CFAP54: variants seen among roughly 807,000 people sequenced by gnomAD.
CFAP54 encodes the protein cilia and flagella associated protein 54.
In CFAP54, 290 loss-of-function variants were observed where a neutral mutation model predicts 370.4. That is an observed-to-expected ratio of 0.78 (90% confidence interval 0.71 to 0.86). The LOEUF (loss-of-function observed/expected upper bound fraction) is 0.86. Among genes scored for constraint, CFAP54 ranks in the 40% least tolerant of loss-of-function variants. The pLI is 0.00. For synonymous variants in CFAP54, 1,206 were observed against 1,236.5 expected, an observed-to-expected ratio of 0.98 and a Z score of 0.52; for missense variants, 3,399 against 3,528.7, an observed-to-expected ratio of 0.96 and a Z score of 0.93.
intron 19 of CFAP54, among the ~76,000 whole-genome samples, chr12:96,574,333 A>G (rs887088981): frequency 2.6e-5 from 4 of 152,056 alleles, no homozygotes; most frequent in Non-Finnish European, 4.4e-5. Context: ...GTAGACAGAC[A>G]TATTGTCTTT....
chr12:96,817,963 A>G, intron 65 of CFAP54, 50 bp downstream of exon 65: 1 of 1,287,240 alleles, frequency 7.8e-7, no homozygotes, highest in Non-Finnish European at 1.0e-6. Context: ...TATCTTTTAT[A>G]TCCTCAAAGC....
intron 60 of CFAP54, among the ~76,000 whole-genome samples, chr12:96,773,259 A>G (rs1020481388): frequency 6.6e-6 from 1 of 152,176 alleles, no homozygotes; most frequent in African/African-American, 2.4e-5. Context: ...CTTGTAGATC[A>G]GGAATTTGTC....
Position 96,527,442 on chromosome 12 carries a change from T to C in CFAP54, c.1355T>C (p.Ile452Thr). 1 of 1,507,884 alleles carries C rather than the reference T, an allele frequency of 6.6e-7. No individual in the cohort carries two copies. Among genetic ancestry groups the C allele is most frequent in the Non-Finnish European group, 8.8e-7 (1 of 1,130,768 alleles). 93.4% of individuals were successfully genotyped at this position (1,507,884 alleles called of 1,614,324 possible). The change falls in exon 9 of 68, where the codon ATA becomes ACA. Residue 452 changes from isoleucine (I) to threonine (T), a missense_variant and splice_region_variant. Around this residue, in one of 3 missense-constraint regions of CFAP54, gnomAD observed 559 missense variants for 576.7 expected, o/e 0.97. Coordinates refer to ENST00000524981, the MANE Select transcript of CFAP54 (RefSeq NM_001306084.2). ...ELFMAGKELLIMSNIGADGML... is the reference protein window; with the variant it reads ...ELFMAGKELLTMSNIGADGML... ...TTTATGGCAGGAAAAGAACTTTTGA[T>C]AAGTAAATAAGATGTTAAGATATTG...
chr12:96,625,764 T>C lies in CFAP54; in HGVS notation c.3933T>C (p.Tyr1311=). 6.5e-7 allele frequency: 1 copy of C among 1,535,942 alleles called. No individual in the cohort carries two copies. Among genetic ancestry groups the C allele is most frequent in the Non-Finnish European group, 8.7e-7 (1 of 1,146,782 alleles). ...GAGGAGAGGACCCTATATTTCTTTA[T>C]CCTGTAGTTTTGAATTGGTCGGTCA... ...LSGGEDPIFL[Y]PVVLNWSVKG... The change falls in exon 29 of 68, where the codon TAT becomes TAC. Residue 1311 remains tyrosine, a synonymous_variant. Coordinates refer to ENST00000524981, the MANE Select transcript of CFAP54 (RefSeq NM_001306084.2).
intron 56 of CFAP54, among the ~76,000 whole-genome samples, chr12:96,754,748 AT>A (rs111320723): frequency 2.6e-3 from 374 of 143,242 alleles, no homozygotes; most frequent in South Asian, 5.3e-3. Context: ...TAGTGCCTAC[AT>A]TTTTTTTTTT....
Position 96,489,794 on chromosome 12 carries a change from A to G in CFAP54, c.185A>G (p.Tyr62Cys). The G allele has an allele frequency of 1.3e-6, 2 of 1,536,104 alleles. No individual in the cohort carries two copies. The highest frequency in any genetic ancestry group is 1.7e-6 in the Non-Finnish European group (2 of 1,146,908). The stretch of plus-strand genomic sequence containing the variant: ...GACTCATTGCCCCTAGCCGTGTTTT[A>G]TGGGCCGCTGGACGCGAAAAACCCG... ...PEDSLPLAVF[Y>C]GPLDAKNPLL... Residue 62 changes from tyrosine to cysteine, a missense_variant, in exon 1 of 68, where the codon TAT (tyrosine) becomes TGT (cysteine). Physicochemically the swap from Tyr to Cys is radical, Grantham distance 194 (BLOSUM62 -2). Transcript: ENST00000524981.
chr12:96,590,055 T>C (rs1956110672), intron 23 of CFAP54, among the ~76,000 whole-genome samples: 1 of 152,164 alleles, frequency 6.6e-6, no homozygotes, highest in African/African-American at 2.4e-5. Flanking sequence ...CCAAGAAACT[T>C]TCTTTCTAGA....
At chr12:96,825,317 T>TATATATAATATA (rs1959078056) in intron 65 of CFAP54, among the ~76,000 whole-genome samples, 1 of 128,020 alleles carries the variant, frequency 7.8e-6, no homozygotes, top group Non-Finnish European at 1.6e-5. Context: ...TATAATATAA[T>TATATATAATATA]ATATATTATA....
intron 50 of CFAP54, among the ~76,000 whole-genome samples, chr12:96,734,395 T>C (rs1429263988): frequency 1.3e-5 from 2 of 152,196 alleles, no homozygotes; most frequent in South Asian, 4.1e-4. Flanking sequence ...CTTGTTTGTC[T>C]TCTTTACTGC....
chr12:96,562,667 A>G (rs975427052), intron 17 of CFAP54, among the ~76,000 whole-genome samples: 1 of 151,578 alleles, frequency 6.6e-6, no homozygotes, highest in Non-Finnish European at 1.5e-5. Flanking sequence ...CTGACCTCAA[A>G]CGATCTGCCC....
At chr12:96,685,653 G>A (rs1957322041) in intron 42 of CFAP54, among the ~76,000 whole-genome samples, 2 of 152,138 alleles carry the variant, frequency 1.3e-5, no homozygotes, top group Admixed American at 1.3e-4. Context: ...CTGGGTTCGA[G>A]ATTCTCCTGC....
intron 23 of CFAP54, among the ~76,000 whole-genome samples, chr12:96,592,245 A>G (rs889233679): frequency 1.3e-5 from 2 of 152,326 alleles, no homozygotes; most frequent in Middle Eastern, 3.4e-3. Flanking sequence ...ATCTTGATAA[A>G]AAATAACTTT....
intron 9 of CFAP54, among the ~76,000 whole-genome samples, chr12:96,528,093 A>G (rs907971074): frequency 6.6e-6 from 1 of 152,154 alleles, no homozygotes. Flanking sequence ...TGGTGATAGC[A>G]GACTCCTTTG....
chr12:96,561,445 G>A (rs1955814488), intron 17 of CFAP54, among the ~76,000 whole-genome samples: 1 of 151,992 alleles, frequency 6.6e-6, no homozygotes, highest in Non-Finnish European at 1.5e-5. Context: ...TCAGTCTCAG[G>A]TATGTCTTTA....
At chr12:96,798,634 A>T (rs1479550403) in intron 63 of CFAP54, among the ~76,000 whole-genome samples, 1 of 152,156 alleles carries the variant, frequency 6.6e-6, no homozygotes, top group African/African-American at 2.4e-5. Flanking sequence ...TCTGCCACTT[A>T]ACAGTTTTGT....
chr12:96,582,083 A>G (rs1265919343), intron 22 of CFAP54, among the ~76,000 whole-genome samples: 1 of 152,156 alleles, frequency 6.6e-6, no homozygotes, highest in African/African-American at 2.4e-5. Context: ...TATCACAGCC[A>G]TGTGATAGTG....
rs1001481489 is a variant in CFAP54 at position 96,554,235 on chromosome 12, C to T, written c.2208C>T (p.Ile736=). The part of the protein sequence containing the change: ...LFAYKLLDRA[I]GGINLNCMLT... The stretch of plus-strand genomic sequence containing the variant: ...CTTATAAACTTCTTGACAGAGCAAT[C>T]GGTGGAATAAATTTGAATTGCATGT... Residue 736 remains isoleucine, a synonymous_variant, in exon 16 of 68, where the codon ATC becomes ATT. Transcript: ENST00000524981. 9.8e-6 allele frequency: 15 copies of T among 1,526,174 alleles called. No individual in the cohort carries two copies. The highest frequency in any genetic ancestry group is 6.0e-5 in the Admixed American group (3 of 49,652). 94.5% of individuals were successfully genotyped at this position (1,526,174 alleles called of 1,614,324 possible).
intron 17 of CFAP54, among the ~76,000 whole-genome samples, chr12:96,556,396 C>CT (rs140758512): frequency 0.058 from 8,698 of 150,506 alleles, 598 homozygotes; most frequent in African/African-American, 0.15. Flanking sequence ...TATTTCTTTT[C>CT]TTTTTTTTTC....
intron 17 of CFAP54, 117 bp downstream of exon 17, chr12:96,554,919 A>C: frequency 1.0e-6 from 1 of 986,480 alleles, no homozygotes; most frequent in Non-Finnish European, 1.3e-6. Context: ...GATAAATTTC[A>C]TTTTTTTCTA....
Sources: gnomAD v4.1 joint callset for allele counts (sites outside exome capture counted in the v4.1 genomes callset) on GRCh38, gnomAD v4.1.1 for gene constraint, gnomAD v4.1.1 regional missense constraint, MANE v1.5 for transcripts, NCBI Gene and HGNC (gene_info 2026-07-23, HGNC 2026-07-21) for gene names.